DCDC1: variants seen among roughly 807,000 people sequenced by gnomAD.
DCDC1 encodes the protein doublecortin domain containing 1.
In DCDC1, 200 loss-of-function variants were observed where a neutral mutation model predicts 178.3. That is an observed-to-expected ratio of 1.12 (90% CI 1.00 to 1.26). The LOEUF (loss-of-function observed/expected upper bound fraction) is 1.26, where lower values mean the gene tolerates loss of function less well. Ranked by LOEUF, DCDC1 falls within the 50% of genes most tolerant of loss-of-function variation. DCDC1 has a pLI of 0.00. For synonymous variants in DCDC1, 690 were observed against 604.8 expected (o/e 1.14, Z -2.07); for missense variants, 1,983 against 1,749.2 (o/e 1.13, Z -2.38).
intron 20 of DCDC1, among the ~76,000 whole-genome samples, chr11:31,045,040 A>G (rs1055125837): frequency 6.6e-6 from 1 of 152,160 alleles, no homozygotes; most frequent in Non-Finnish European, 1.5e-5. Context: ...ATACCAGTAA[A>G]CCACAATGAG....
chr11:31,241,772 T>C, intron 8 of DCDC1, 156 bp from the exon 9 acceptor site: 1 of 380,608 alleles, frequency 2.6e-6, no homozygotes. Flanking sequence ...GCGTTACTAG[T>C]GGCCACCATG....
intron 21 of DCDC1, among the ~76,000 whole-genome samples, chr11:30,949,227 T>C (rs766325211): frequency 1.3e-5 from 2 of 152,160 alleles, no homozygotes; most frequent in Non-Finnish European, 2.9e-5. Context: ...AAGAAGACAA[T>C]TGTGCAGCCA....
At chr11:31,193,472 A>AATGAAAGT (rs1222476263) in intron 9 of DCDC1, among the ~76,000 whole-genome samples, 1 of 152,108 alleles carries the variant, frequency 6.6e-6, no homozygotes, top group Admixed American at 6.6e-5. Flanking sequence ...CAGTAAGTAT[A>AATGAAAGT]ATGAAAGTAT....
At chr11:31,010,787 T>C (rs1952125134) in intron 20 of DCDC1, among the ~76,000 whole-genome samples, 1 of 152,230 alleles carries the variant, frequency 6.6e-6, no homozygotes, top group Admixed American at 6.5e-5. Context: ...TTTGTCTTGA[T>C]AAATTCTCAA....
At chr11:31,247,008 A>T (rs1051815064) in intron 8 of DCDC1, among the ~76,000 whole-genome samples, 12 of 152,080 alleles carry the variant, frequency 7.9e-5, no homozygotes, top group Admixed American at 5.3e-4. Context: ...AACTGACGGC[A>T]TATTGCCTGT....
chr11:31,104,508 C>T (rs1029741950), intron 13 of DCDC1, among the ~76,000 whole-genome samples: 1 of 151,786 alleles, frequency 6.6e-6, no homozygotes, highest in African/African-American at 2.4e-5. Flanking sequence ...AAAAACAAAA[C>T]AAAAGATTAA....
intron 20 of DCDC1, among the ~76,000 whole-genome samples, chr11:31,023,903 C>T (rs1244745318): frequency 6.6e-6 from 1 of 152,002 alleles, no homozygotes; most frequent in East Asian, 1.9e-4. Context: ...ACATTCCTTT[C>T]AGTTGAATTT....
At chr11:31,244,702 C>T (rs1372074277) in intron 8 of DCDC1, among the ~76,000 whole-genome samples, 1 of 151,672 alleles carries the variant, frequency 6.6e-6, no homozygotes, top group Admixed American at 6.6e-5. Context: ...GTTAATCATC[C>T]CTTAAATTTA....
Position 31,290,654 on chromosome 11 carries a change from A to T in DCDC1, c.953T>A (p.Met318Lys), listed in dbSNP as rs1372992290. Residue 318 changes from methionine to lysine, a missense_variant, in exon 7 of 39, where the codon ATG becomes AAG. Met to Lys is a moderately conservative substitution (Grantham distance 95). Coordinates refer to ENST00000684477, the MANE Select transcript of DCDC1 (RefSeq NM_001387274.1). The part of the protein sequence containing the change: ...GHEITVGKET[M>K]KKVLDTCTIR... The stretch of plus-strand genomic sequence containing the variant: ...TATTTAATTAAAAATTACCTTTTTC[A>T]TTGTTTCTTTTCCCACTGTAATCTC... 1.9e-6 allele frequency: 3 copies of T among 1,599,410 alleles called. No homozygotes were observed. Among genetic ancestry groups the T allele is most frequent in the Admixed American group, 1.8e-5 (1 of 56,222 alleles).
chr11:30,925,429 A>C, intron 22 of DCDC1, 21 bp from the exon 23 acceptor site: 1 of 1,608,312 alleles, frequency 6.2e-7, no homozygotes, highest in Non-Finnish European at 8.5e-7. Context: ...AGACACAAAA[A>C]TTGACCTTGC....
chr11:31,168,757 A>G (rs1966869264), intron 9 of DCDC1, among the ~76,000 whole-genome samples: 1 of 151,880 alleles, frequency 6.6e-6, no homozygotes, highest in African/African-American at 2.4e-5. Context: ...TAATAATAGT[A>G]CCTACTCAGA....
At chr11:31,250,315 T>A (rs1224181458) in intron 8 of DCDC1, among the ~76,000 whole-genome samples, 2 of 146,930 alleles carry the variant, frequency 1.4e-5, no homozygotes, top group African/African-American at 5.0e-5. Context: ...AAAAAAATTA[T>A]GAGTGGATGC....
At chr11:31,092,623 G>A (rs1185325449) in intron 16 of DCDC1, among the ~76,000 whole-genome samples, 1 of 152,134 alleles carries the variant, frequency 6.6e-6, no homozygotes, top group Non-Finnish European at 1.5e-5. Flanking sequence ...ATACTCTTTT[G>A]GTAGGCATTC....
chr11:31,358,388 T>G (rs1442147171), intron 1 of DCDC1, among the ~76,000 whole-genome samples: 1 of 151,786 alleles, frequency 6.6e-6, no homozygotes, highest in African/African-American at 2.4e-5. Context: ...TAGCCATATG[T>G]AGAAAGCTGA....
chr11:31,020,755 T>C (rs1051214471), intron 20 of DCDC1, among the ~76,000 whole-genome samples: 2 of 152,250 alleles, frequency 1.3e-5, no homozygotes, highest in Admixed American at 1.3e-4. Context: ...AATTTTAAAG[T>C]GGGGAAAGCC....
intron 8 of DCDC1, among the ~76,000 whole-genome samples, chr11:31,246,577 G>T (rs1943583170): frequency 6.6e-6 from 1 of 151,888 alleles, no homozygotes; most frequent in Admixed American, 6.6e-5. Flanking sequence ...AAGTATGACT[G>T]CAGGGAGTTT....
intron 9 of DCDC1, among the ~76,000 whole-genome samples, chr11:31,215,577 G>A (rs1973438719): frequency 6.6e-6 from 1 of 151,646 alleles, no homozygotes; most frequent in Non-Finnish European, 1.5e-5. Context: ...GGCAGATCAT[G>A]AGGTCAGGAG....
In DCDC1 at chr11:30,905,134, TTTTTTCAGCC is replaced by T. The variant is rs1431330111; in HGVS notation, c.4125_4134del (p.Ala1376LeufsTer2). ...AGACGTGCTTGGTAGTAACTTAGAG[TTTTTTCAGCC>T]TTGTCACACGACAAATCAACCTAAT... On this transcript the variant is annotated frameshift_variant, in exon 31 of 39. Coordinates refer to ENST00000684477, the MANE Select transcript of DCDC1 (RefSeq NM_001387274.1). LOFTEE classifies it high-confidence loss of function. The T allele has an allele frequency of 6.2e-7, 1 of 1,608,994 alleles. No homozygotes were observed. Among genetic ancestry groups the T allele is most frequent in the Admixed American group, 1.7e-5 (1 of 59,104 alleles).
chr11:31,127,857 G>A (rs1961869062), intron 10 of DCDC1, among the ~76,000 whole-genome samples: 1 of 151,958 alleles, frequency 6.6e-6, no homozygotes, highest in African/African-American at 2.4e-5. Context: ...CAGTAATATG[G>A]GGTAGGTAGC....
Sources: gnomAD v4.1 joint callset for allele counts (sites outside exome capture counted in the v4.1 genomes callset) on GRCh38, gnomAD v4.1.1 for gene constraint, MANE v1.5 for transcripts, NCBI Gene and HGNC (gene_info 2026-07-23, HGNC 2026-07-21) for gene names.